PBX4: variants seen among roughly 807,000 people sequenced by gnomAD.
The protein encoded by PBX4 is pre-B-cell leukemia transcription factor 4.
A neutral mutation model predicts 35.1 loss-of-function variants in PBX4; 26 were observed. The observed-to-expected ratio is 0.74, with a 90% CI of 0.54 to 1.03. The LOEUF (loss-of-function observed/expected upper bound fraction) is 1.03, where lower values mean the gene tolerates loss of function less well. Ranked by LOEUF, PBX4 falls within the 50% of genes least tolerant of loss-of-function variation. PBX4 has a pLI of 0.00. For missense variants in PBX4, 448 were observed against 504.3 expected (o/e 0.89, Z 1.07); for synonymous variants, 199 against 204.2 (o/e 0.97, Z 0.22).
intron 1 of PBX4, 30 bp downstream of exon 1, chr19:19,618,481 C>A: frequency 7.0e-7 from 1 of 1,424,400 alleles, no homozygotes; most frequent in Non-Finnish European, 9.2e-7. Flanking sequence ...CACGACCCTG[C>A]GTGGCCCCTG....
intron 1 of PBX4, among the ~76,000 whole-genome samples, chr19:19,599,827 G>T (rs2061585483): frequency 6.6e-6 from 1 of 151,770 alleles, no homozygotes; most frequent in South Asian, 2.1e-4. Context: ...ACAAAAATTA[G>T]TTGGGCATGG....
intron 3 of PBX4, 42 bp downstream of exon 3, chr19:19,570,544 G>A: frequency 1.2e-6 from 2 of 1,604,078 alleles, no homozygotes; most frequent in Non-Finnish European, 1.7e-6. Context: ...TTTGACAAAT[G>A]CGCATTCACA....
chr19:19,587,315 C>G (rs1387351292), intron 2 of PBX4, among the ~76,000 whole-genome samples: 1 of 152,090 alleles, frequency 6.6e-6, no homozygotes, highest in African/African-American at 2.4e-5. Context: ...AGGCCGGGAG[C>G]AGTGGCTCAC....
intron 2 of PBX4, among the ~76,000 whole-genome samples, chr19:19,587,592 TAA>T (rs34647983): frequency 3.0e-4 from 27 of 90,662 alleles, no homozygotes; most frequent in Admixed American, 6.7e-4. Context: ...CGTCTCAAAT[TAA>T]AAAAAAAAAA....
chr19:19,575,349 C>T lies in PBX4; in HGVS notation c.194-4516G>A, dbSNP rs571251612. The stretch of plus-strand genomic sequence containing the variant: ...GCTCATGGGGTGCTGTGCCTACAAT[C>T]TGGGCCTTACAGATCTGGGTGACAG... On this transcript the variant is annotated intron_variant, in intron 2 of 7. Coordinates refer to ENST00000251203, the MANE Select transcript of PBX4 (RefSeq NM_025245.3). Among the ~76,000 whole-genome samples the T allele has an allele frequency of 5.7e-4, 86 of 151,950 alleles. 1 individual carries two copies. In the South Asian group the frequency reaches 0.017, roughly 29 times the overall value.
In PBX4 at chr19:19,600,204, G is replaced by A. The variant is rs556595826; in HGVS notation, c.120-839C>T. ...ATATTCAAAACATTTCCCACTATAT[G>A]CAAAAGTTTAAACAATGCAAATAAC... On this transcript the variant is annotated intron_variant, in intron 1 of 7. Transcript: ENST00000251203. Among the ~76,000 whole-genome samples the A allele has an allele frequency of 4.6e-5, 7 of 151,958 alleles. No individual in the cohort carries two copies. The South Asian group carries it at 1.0e-3, about 23-fold the overall frequency.
Position 19,563,434 on chromosome 19 carries a change from G to C in PBX4, c.1032+75C>G. 8.1e-7 allele frequency: 1 copy of C among 1,227,932 alleles called. No individual in the cohort carries two copies. Among genetic ancestry groups the C allele is most frequent in the South Asian group, 1.5e-5 (1 of 66,040 alleles). The allele number at this position is 1,227,932 out of a possible 1,614,324, so 76.1% of individuals were successfully genotyped here. A position where few individuals can be genotyped will look rare whatever the true frequency, so the allele number is the denominator to read the frequency against. On this transcript the variant is annotated intron_variant, in intron 7 of 7. Coordinates refer to ENST00000251203, the MANE Select transcript of PBX4 (RefSeq NM_025245.3). The surrounding 1 kb of genome is among the most constrained non-coding windows in gnomAD (Gnocchi z 5.1). ...CTGGGGAAGCTGCCCCAAGGCCGAGGGGTGGCTGACAAGACGACCCTTTCT... is the reference window on the plus strand; with the variant it reads ...CTGGGGAAGCTGCCCCAAGGCCGAGCGGTGGCTGACAAGACGACCCTTTCT...
chr19:19,590,754 C>A (rs1278920363), intron 2 of PBX4, among the ~76,000 whole-genome samples: 11 of 152,152 alleles, frequency 7.2e-5, no homozygotes, highest in Admixed American at 7.2e-4. Flanking sequence ...CAGGTGTGAG[C>A]CATGGCGCCT....
intron 2 of PBX4, among the ~76,000 whole-genome samples, chr19:19,586,809 T>C (rs1242274597): frequency 4.0e-5 from 6 of 151,726 alleles, no homozygotes; most frequent in Non-Finnish European, 8.8e-5. Context: ...CATGCACCTG[T>C]AGTCCCAGCT....
At position 19,569,558 on chromosome 19, in the gene PBX4, T is replaced by C; in HGVS notation, c.659A>G (p.Gln220Arg). 1 of 1,613,626 alleles carries C rather than the reference T, an allele frequency of 6.2e-7. No homozygotes were observed. Among genetic ancestry groups the C allele is most frequent in the Non-Finnish European group, 8.5e-7 (1 of 1,179,778 alleles). Residue 220 changes from glutamine (Q) to arginine (R), a missense_variant, in exon 5 of 8, where the codon CAG becomes CGG. Physicochemically the swap from Gln to Arg is conservative, Grantham distance 43. Coordinates refer to ENST00000251203, the MANE Select transcript of PBX4 (RefSeq NM_025245.3). The part of the protein sequence containing the change: ...ARRKRRNFSK[Q>R]ATEVLNEYFY... ...ATACTCATTCAGCACTTCCGTCGCC[T>C]GCTTGCTGAAATTCCGCCGCTTGCG... is the stretch of plus-strand genomic sequence containing the variant.
chr19:19,588,323 T>A, intron 2 of PBX4: 1 of 1,116,388 alleles, frequency 9.0e-7, no homozygotes, highest in Non-Finnish European at 1.4e-6. Context: ...GAGTCACAGA[T>A]AACACATTTG....
chr19:19,598,047 C>T (rs1221202343), intron 2 of PBX4, among the ~76,000 whole-genome samples: 2 of 152,128 alleles, frequency 1.3e-5, no homozygotes, highest in Non-Finnish European at 2.9e-5. Context: ...GGTCACAGAT[C>T]ACAGGAGACC....
chr19:19,605,496 C>T (rs2061625433), intron 1 of PBX4, among the ~76,000 whole-genome samples: 5 of 150,802 alleles, frequency 3.3e-5, no homozygotes, highest in Admixed American at 3.3e-4. Context: ...TTTGGTGGCA[C>T]ATGCCTGTAG....
chr19:19,561,873 C>T lies in PBX4; in HGVS notation c.*152G>A, dbSNP rs1053039836. On this transcript the variant is annotated 3_prime_UTR_variant, in exon 8 of 8. Transcript: ENST00000251203. ...CTCGAGTCGCAGCAGACACATGAGCCGGCGCCACGGGCCTGGCTGAGGAGC... is the reference window on the plus strand; with the variant it reads ...CTCGAGTCGCAGCAGACACATGAGCTGGCGCCACGGGCCTGGCTGAGGAGC... 1.4e-4 allele frequency: 82 copies of T among 576,438 alleles called. No homozygotes were observed. Among genetic ancestry groups the T allele is most frequent in the African/African-American group, 9.2e-4 (48 of 52,414 alleles). 35.7% of individuals were successfully genotyped at this position (576,438 alleles called of 1,614,324 possible).
intron 1 of PBX4, chr19:19,608,228 C>T (rs2061642468): frequency 6.6e-6 from 1 of 152,028 alleles, no homozygotes; most frequent in South Asian, 2.1e-4. Context: ...GTGACCAGCG[C>T]CTGTAATCCC....
chr19:19,591,127 C>T (rs899135168), intron 2 of PBX4, among the ~76,000 whole-genome samples: 1 of 152,086 alleles, frequency 6.6e-6, no homozygotes, highest in Admixed American at 6.6e-5. Context: ...GAGAATAAGT[C>T]CCCCAGCTGC....
Position 19,561,853 on chromosome 19 carries a change from G to T in PBX4, c.*172C>A. On this transcript the variant is annotated 3_prime_UTR_variant, in exon 8 of 8. Transcript: ENST00000251203. The stretch of plus-strand genomic sequence containing the variant: ...TGAGTGGCGTTTCAGGCCATCTCGA[G>T]TCGCAGCAGACACATGAGCCGGCGC... 2.0e-6 allele frequency: 1 copy of T among 512,016 alleles called. No individual in the cohort carries two copies. The highest frequency in any genetic ancestry group is 3.4e-6 in the Non-Finnish European group (1 of 290,430). The allele number at this position is 512,016 out of a possible 1,614,324, so 31.7% of individuals were successfully genotyped here.
At chr19:19,615,608 C>T (rs977042980) in intron 1 of PBX4, among the ~76,000 whole-genome samples, 13 of 152,010 alleles carry the variant, frequency 8.6e-5, no homozygotes, top group African/African-American at 3.1e-4. Flanking sequence ...CATTGAAGAA[C>T]AGGCCAGGCA....
At chr19:19,564,697 A>C in intron 6 of PBX4, 2 of 550,998 alleles carry the variant, frequency 3.6e-6, no homozygotes, top group Non-Finnish European at 6.3e-6. Flanking sequence ...CACCGCACCC[A>C]GACCTTTCAT....
Sources: gnomAD v4.1 joint callset for allele counts (sites outside exome capture counted in the v4.1 genomes callset) on GRCh38, gnomAD v4.1.1 for gene constraint, Gnocchi (gnomAD v3.1) non-coding constraint, MANE v1.5 for transcripts, NCBI Gene and HGNC (gene_info 2026-07-23, HGNC 2026-07-21) for gene names.